Variants in SLC26A7 observed in about 807,000 individuals in gnomAD.
The protein encoded by SLC26A7 is anion exchange transporter.
SLC26A7 carries 59 observed loss-of-function variants against 82.5 expected under a neutral mutation model. The ratio of observed to expected loss-of-function variants is 0.72; its 90% confidence interval spans 0.58 to 0.89. The LOEUF is 0.89. SLC26A7 is among the 40% of genes least tolerant of loss of function. SLC26A7 has a pLI of 0.00. For missense variants in SLC26A7, 820 were observed against 793.0 expected (o/e 1.03, Z -0.41); for synonymous variants, 271 against 274.3 (o/e 0.99, Z 0.12).
At chr8:91,278,773 C>T (rs1283433301) in intron 2 of SLC26A7, among the ~76,000 whole-genome samples, 1 of 151,954 alleles carries the variant, frequency 6.6e-6, no homozygotes, top group East Asian at 1.9e-4. Context: ...AAAATCTATT[C>T]TCTTAGCAAT....
rs1162166401 is a variant in SLC26A7, at chr8:91,368,585, A to AT, written c.1627-1189dup. 4.0e-3 allele frequency among the ~76,000 whole-genome samples: 584 copies of AT among 145,318 alleles called. 2 individuals carry two copies. Among genetic ancestry groups the AT allele is most frequent in the Non-Finnish European group, 5.5e-3 (358 of 65,566 alleles). ...AGGCGCCCGCCACCACGCCTGGCTA[A>AT]TTTTTTTTTTTGTATTTTTAGTAGA... is the stretch of plus-strand genomic sequence containing the variant. On this transcript the variant is annotated intron_variant, in intron 14 of 18. Coordinates refer to ENST00000276609, the MANE Select transcript of SLC26A7 (RefSeq NM_052832.4).
At position 91,396,835 on chromosome 8, in the gene SLC26A7, C is replaced by T. The variant is rs1172860075; in HGVS notation, c.*1738C>T. The T allele has an allele frequency of 1.3e-5, 2 of 152,004 alleles. No individual in the cohort carries two copies. Among genetic ancestry groups the T allele is most frequent in the Non-Finnish European group, 2.9e-5 (2 of 67,924 alleles). The allele number at this position is 152,004 out of a possible 1,614,324, so 9.4% of individuals were successfully genotyped here. ...TTCCAATGGCGGATGGTAATATTCA[C>T]CATCTCTAATTCATTGGTCACTGGT... is the stretch of plus-strand genomic sequence containing the variant. On this transcript the variant is annotated 3_prime_UTR_variant, in exon 19 of 19. Transcript: ENST00000276609.
chr8:91,317,101 A>AGTGAGAC (rs1244088211), intron 4 of SLC26A7, among the ~76,000 whole-genome samples: 4 of 148,184 alleles, frequency 2.7e-5, no homozygotes, highest in African/African-American at 9.9e-5. Flanking sequence ...TGGAGGTTGC[A>AGTGAGAC]GTGAGACATG....
chr8:91,349,388 ATTG>A (rs1303869267), intron 9 of SLC26A7, among the ~76,000 whole-genome samples: 2 of 152,198 alleles, frequency 1.3e-5, no homozygotes, highest in Non-Finnish European at 2.9e-5. Flanking sequence ...TTGTAATTCA[ATTG>A]TTGTTAATGA....
Position 91,282,870 on chromosome 8 carries a change from T to C in SLC26A7, c.194-6266T>C, listed in dbSNP as rs538955189. 6.4e-4 allele frequency among the ~76,000 whole-genome samples: 97 copies of C among 152,308 alleles called. 1 individual carries two copies. The highest frequency in any genetic ancestry group is 2.2e-3 in the African/African-American group (92 of 41,562). ...ATGCTGTGCCTTTGAACACATTTCT[T>C]CTACCTAAATTTGTCCCCTCCTCAG... is the stretch of plus-strand genomic sequence containing the variant. On this transcript the variant is annotated intron_variant, in intron 2 of 18. Transcript: ENST00000276609.
At chr8:91,302,090 A>G (rs978001205) in intron 4 of SLC26A7, among the ~76,000 whole-genome samples, 10 of 152,042 alleles carry the variant, frequency 6.6e-5, no homozygotes, top group Admixed American at 2.6e-4. Flanking sequence ...TATGTTACCT[A>G]ATTTACTAAC....
intron 2 of SLC26A7, among the ~76,000 whole-genome samples, chr8:91,230,927 G>A (rs1452193368): frequency 1.3e-5 from 2 of 151,898 alleles, no homozygotes; most frequent in Non-Finnish European, 2.9e-5. Flanking sequence ...TTATGGCAGG[G>A]GGAACTGACC....
chr8:91,298,274 A>G (rs1389663592), intron 4 of SLC26A7, among the ~76,000 whole-genome samples: 1 of 151,960 alleles, frequency 6.6e-6, no homozygotes, highest in African/African-American at 2.4e-5. Flanking sequence ...CCTACACACA[A>G]CTCTTTCTCC....
intron 3 of SLC26A7, among the ~76,000 whole-genome samples, chr8:91,292,111 C>T (rs1159264378): frequency 1.3e-5 from 2 of 152,024 alleles, no homozygotes; most frequent in African/African-American, 4.8e-5. Flanking sequence ...CAAGATCATC[C>T]TGGCTAACAC....
chr8:91,288,781 A>ATAAAATTATACATGTGAAATGCTTC (rs1811780661), intron 2 of SLC26A7, among the ~76,000 whole-genome samples: 2 of 152,214 alleles, frequency 1.3e-5, no homozygotes, highest in Non-Finnish European at 2.9e-5. Flanking sequence ...TATTGTGCAC[A>ATAAAATTATACATGTGAAATGCTTC]TAAAATTATA....
At chr8:91,279,684 C>G (rs570111684) in intron 2 of SLC26A7, among the ~76,000 whole-genome samples, 178 of 152,174 alleles carry the variant, frequency 1.2e-3, no homozygotes, top group Middle Eastern at 3.4e-3. Flanking sequence ...CTCAGCCTCC[C>G]TAGTAGCTGG....
chr8:91,388,810 C>T (rs1044926972), intron 15 of SLC26A7, among the ~76,000 whole-genome samples: 1 of 152,088 alleles, frequency 6.6e-6, no homozygotes, highest in Admixed American at 6.5e-5. Context: ...ATTTTCAGGG[C>T]CTGTCATACA....
chr8:91,319,400 T>C (rs1027965645), intron 5 of SLC26A7, among the ~76,000 whole-genome samples: 1 of 152,316 alleles, frequency 6.6e-6, no homozygotes, highest in East Asian at 1.9e-4. Flanking sequence ...ATTTGATATG[T>C]GAAAAAAATG....
rs545197628 is a variant in SLC26A7 at position 91,394,141 on chromosome 8, A to C, written c.1935+102A>C. 1.6e-4 allele frequency: 248 copies of C among 1,593,954 alleles called. 1 individual carries two copies. The African/African-American group carries it at 3.1e-3, about 20-fold the overall frequency. ...TAGCTTATTACTCCATTGGCATCTA[A>C]AATCTGTTAGCCCCCCACCCCACCC... On this transcript the variant is annotated intron_variant, in intron 18 of 18. Transcript: ENST00000276609.
At chr8:91,365,163 AT>A (rs34109331) in intron 13 of SLC26A7, among the ~76,000 whole-genome samples, 25,911 of 150,926 alleles carry the variant, frequency 0.17, 2,537 homozygotes, top group Middle Eastern at 0.29. Flanking sequence ...TAACAAATAC[AT>A]TTTTTTTCAT....
At chr8:91,377,032 A>T (rs555777707) in intron 15 of SLC26A7, among the ~76,000 whole-genome samples, 116 of 152,266 alleles carry the variant, frequency 7.6e-4, no homozygotes, top group African/African-American at 2.5e-3. Context: ...AGTCCAGAGC[A>T]GACAACTCTG....
intron 4 of SLC26A7, among the ~76,000 whole-genome samples, chr8:91,315,790 T>TC (rs1812613918): frequency 6.6e-6 from 1 of 152,224 alleles, no homozygotes; most frequent in Non-Finnish European, 1.5e-5. Context: ...TGACTGGTTT[T>TC]CCATACTAGG....
chr8:91,271,056 A>T (rs1463377403), intron 2 of SLC26A7, among the ~76,000 whole-genome samples: 1 of 152,180 alleles, frequency 6.6e-6, no homozygotes, highest in East Asian at 1.9e-4. Flanking sequence ...CTAAGGTATT[A>T]TAATTTATCT....
At chr8:91,267,565 C>A (rs1009691305) in intron 2 of SLC26A7, among the ~76,000 whole-genome samples, 1 of 151,730 alleles carries the variant, frequency 6.6e-6, no homozygotes, top group Non-Finnish European at 1.5e-5. Flanking sequence ...TCACAATAGT[C>A]TTTTATGACC....
Sources: allele counts gnomAD v4.1 joint callset (sites outside exome capture counted in the v4.1 genomes callset), GRCh38; gene constraint gnomAD v4.1.1; transcripts MANE v1.5; gene names NCBI Gene and HGNC (gene_info 2026-07-23, HGNC 2026-07-21).